The following ICAM3 variants were observed in gnomAD, a reference collection of about 807,000 sequenced individuals.
ICAM3 encodes intercellular adhesion molecule 3.
ICAM3 carries 54 observed loss-of-function variants against 43.6 expected under a neutral mutation model. The observed-to-expected ratio is 1.24, with a 90% CI of 0.99 to 1.55. ICAM3 has a LOEUF of 1.55. Ranked by LOEUF, ICAM3 falls within the 40% of genes most tolerant of loss-of-function variation. The pLI, the probability that ICAM3 is intolerant of heterozygous loss-of-function variation, is 0.00. For synonymous variants in ICAM3, 306 were observed against 312.6 expected (o/e 0.98, Z 0.22); for missense variants, 715 against 717.9 (o/e 1.00, Z 0.05).
chr19:10,334,106 A>AACCC lies in ICAM3; in HGVS notation c.1442-48_1442-47insGGGT. On this transcript the variant is annotated intron_variant, in intron 6 of 6. Coordinates refer to ENST00000160262, the MANE Select transcript of ICAM3 (RefSeq NM_002162.5). This position sits in a 1 kb window ranked among gnomAD's most constrained non-coding sequence, Gnocchi z 5.5. The stretch of plus-strand genomic sequence containing the variant: ...TCAATATGCGTCCCTTCTGTCTCCA[A>AACCC]CCCCCCCGCCCCCCGGCTTACCGGT... 4.4e-6 allele frequency: 7 copies of AACCC among 1,578,968 alleles called. No homozygotes were observed. The highest frequency in any genetic ancestry group is 1.1e-5 in the South Asian group (1 of 90,210).
rs1244564587 is a variant in ICAM3 at position 10,334,205 on chromosome 19, T to C, written c.1396A>G (p.Ser466Gly). 1 of 1,613,972 alleles carries C rather than the reference T, an allele frequency of 6.2e-7. No homozygotes were observed. Among genetic ancestry groups the C allele is most frequent in the African/African-American group, 1.3e-5 (1 of 74,884 alleles). The change falls in exon 6 of 7, where the codon AGC becomes GGC. Residue 466 changes from serine (S) to glycine (G), a missense_variant. Coordinates refer to ENST00000160262, the MANE Select transcript of ICAM3 (RefSeq NM_002162.5). This position sits in a 1 kb window ranked among gnomAD's most constrained non-coding sequence, Gnocchi z 5.5. Reference protein sequence around the residue: ...HNGTYQCQASSSRGKYTLVVV... With the variant: ...HNGTYQCQASGSRGKYTLVVV... Reference sequence around the variant, plus strand: ...ACCAGGGTGTATTTGCCTCGTGAGCTGGACGCTTGGCACTGATAAGTACCA... The same window carrying C: ...ACCAGGGTGTATTTGCCTCGTGAGCCGGACGCTTGGCACTGATAAGTACCA...
rs1430799545 is a variant in ICAM3 at position 10,335,135 on chromosome 19, G to A, written c.868C>T (p.Arg290Trp). 6.2e-7 allele frequency: 1 copy of A among 1,613,702 alleles called. No homozygotes were observed. The highest frequency in any genetic ancestry group is 8.5e-7 in the Non-Finnish European group (1 of 1,179,964). ...AGGGTCACGTTGCAGACGATCTCCC[G>A]GGCACCCTCCTGATCCGCGCGCGCC... Reference protein sequence around the residue: ...ATARADQEGAREIVCNVTLGG... With the variant: ...ATARADQEGAWEIVCNVTLGG... The change falls in exon 4 of 7, where the codon CGG becomes TGG. Residue 290 changes from arginine to tryptophan, a missense_variant. By Grantham distance (101) the Arg-to-Trp change is moderately radical. Coordinates refer to ENST00000160262, the MANE Select transcript of ICAM3 (RefSeq NM_002162.5).
chr19:10,334,821 ACCTT>A lies in ICAM3; in HGVS notation c.938-43_938-40del. The A allele has an allele frequency of 1.3e-6, 2 of 1,535,404 alleles. No homozygotes were observed. The highest frequency in any genetic ancestry group is 2.5e-5 in the South Asian group (2 of 79,390). On this transcript the variant is annotated intron_variant, in intron 4 of 6. Transcript: ENST00000160262. The surrounding 1 kb of genome is among the most constrained non-coding windows in gnomAD (Gnocchi z 5.5). ...ATTGCCCAGGAGCTTAATGAACAGG[ACCTT>A]CCTGTGGGTCAAGCCGCTCCCTCCG...
At chr19:10,339,406 T>A (rs1174881012) in intron 1 of ICAM3, 133 bp downstream of exon 1, 15 of 758,200 alleles carry the variant, frequency 2.0e-5, no homozygotes, top group Non-Finnish European at 3.3e-5. Context: ...CAGAACTTTC[T>A]CCCGAGGATA....
chr19:10,335,042 C>A, intron 4 of ICAM3, 24 bp downstream of exon 4: 1 of 1,603,446 alleles, frequency 6.2e-7, no homozygotes, highest in Admixed American at 1.7e-5. Flanking sequence ...TGAGGCCGCG[C>A]CCCCTTCCCA....
At position 10,335,892 on chromosome 19, in the gene ICAM3, T is replaced by C. The variant is rs2304237; in HGVS notation, c.428A>G (p.Asp143Gly). ...QNFTLRCQVE[D>G]GSPRTSLTVV... is the part of the protein sequence containing the mutation. ...CGTGAGGCTGGTCCGGGGCGACCCA[T>C]CCTCCACTTGGCAGCGCAGGGTGAA... The change falls in exon 3 of 7, where the codon GAT becomes GGT. Residue 143 changes from aspartate to glycine, a missense_variant. Transcript: ENST00000160262. 0.22 allele frequency: 351,358 copies of C among 1,600,568 alleles called. 39,521 individuals carry two copies. Among genetic ancestry groups the C allele is most frequent in the South Asian group, 0.27 (24,648 of 90,034 alleles).
chr19:10,336,884 C>A (rs887071983), intron 2 of ICAM3, among the ~76,000 whole-genome samples: 41 of 148,770 alleles, frequency 2.8e-4, no homozygotes, highest in African/African-American at 8.9e-4. Flanking sequence ...CCGAGGGAGG[C>A]GGATCACTTG....
chr19:10,337,689 T>C (rs1287462432), intron 2 of ICAM3, among the ~76,000 whole-genome samples: 2 of 152,142 alleles, frequency 1.3e-5, no homozygotes, highest in Non-Finnish European at 2.9e-5. Flanking sequence ...AGTGGTGCAA[T>C]TATAGCTCAC....
chr19:10,334,849 C>T lies in ICAM3; in HGVS notation c.938-67G>A, dbSNP rs1273484253. The T allele has an allele frequency of 1.3e-6, 2 of 1,510,130 alleles. No individual in the cohort carries two copies. The highest frequency in any genetic ancestry group is 1.4e-5 in the African/African-American group (1 of 71,644). The allele number at this position is 1,510,130 out of a possible 1,614,324, so 93.5% of individuals were successfully genotyped here. A position where few individuals can be genotyped will look rare whatever the true frequency, so the allele number is the denominator to read the frequency against. On this transcript the variant is annotated intron_variant, in intron 4 of 6. Transcript: ENST00000160262. This position sits in a 1 kb window ranked among gnomAD's most constrained non-coding sequence, Gnocchi z 5.5. ...TTCCTGTGGGTCAAGCCGCTCCCTC[C>T]GCCCTCCCCTTTCCTCTCGGGATAT... is the stretch of plus-strand genomic sequence containing the variant.
At position 10,335,912 on chromosome 19, in the gene ICAM3, G is replaced by T; in HGVS notation, c.408C>A (p.Thr136=). The T allele has an allele frequency of 1.3e-6, 2 of 1,593,298 alleles. No homozygotes were observed. Among genetic ancestry groups the T allele is most frequent in the Non-Finnish European group, 1.7e-6 (2 of 1,174,252 alleles). ...ACCCATCCTCCACTTGGCAGCGCAG[G>T]GTGAAGTTCTGGCCCACCGGCTGCC... ...PPWQPVGQNF[T]LRCQVEDGSP... is the part of the protein sequence containing the mutation. Residue 136 remains threonine (T), a synonymous_variant, in exon 3 of 7, where the codon ACC becomes ACA. Coordinates refer to ENST00000160262, the MANE Select transcript of ICAM3 (RefSeq NM_002162.5).
chr19:10,338,386 A>G (rs1463460500), intron 2 of ICAM3, among the ~76,000 whole-genome samples: 1 of 151,060 alleles, frequency 6.6e-6, no homozygotes, highest in East Asian at 1.9e-4. Flanking sequence ...CTAGGCAAAA[A>G]GAGCGAAACT....
chr19:10,337,976 C>T (rs952926820), intron 2 of ICAM3, among the ~76,000 whole-genome samples: 4 of 150,650 alleles, frequency 2.7e-5, no homozygotes, highest in Middle Eastern at 3.2e-3. Context: ...CGGAACACCC[C>T]GTCTCTACTA....
chr19:10,338,905 G>C lies in ICAM3; in HGVS notation c.120C>G (p.Asn40Lys), dbSNP rs1278156295. The C allele has an allele frequency of 6.2e-7, 1 of 1,614,062 alleles. No homozygotes were observed. Among genetic ancestry groups the C allele is most frequent in the South Asian group, 1.1e-5 (1 of 91,088 alleles). The change falls in exon 2 of 7, where the codon AAC (asparagine) becomes AAG (lysine). Residue 40 changes from asparagine (N) to lysine (K), a missense_variant. Asn to Lys is a moderately conservative substitution (Grantham distance 94, BLOSUM62 0). Transcript: ENST00000160262. ...QEFLLRVEPQ[N>K]PVLSAGGSLF... is the part of the protein sequence containing the mutation. ...GGGACCCTCCAGCAGAGAGCACAGG[G>C]TTCTGGGGCTCCACCCGCAAAAGGA...
Position 10,335,659 on chromosome 19 carries a change from C to A in ICAM3, c.649+12G>T, listed in dbSNP as rs1421837980. On this transcript the variant is annotated intron_variant, in intron 3 of 6. Transcript: ENST00000160262. ...CAGCTCGTCACCCACCGTCTGAAGCCCCTTCTCTCACCAAAGGTTCGGAGC... is the reference window on the plus strand; with the variant it reads ...CAGCTCGTCACCCACCGTCTGAAGCACCTTCTCTCACCAAAGGTTCGGAGC... The A allele has an allele frequency of 1.3e-6, 2 of 1,591,374 alleles. No homozygotes were observed. Among genetic ancestry groups the A allele is most frequent in the Admixed American group, 1.8e-5 (1 of 56,852 alleles).
chr19:10,339,490 TCCC>T, intron 1 of ICAM3, 46 bp downstream of exon 1: 3 of 1,512,746 alleles, frequency 2.0e-6, no homozygotes, highest in Non-Finnish European at 2.8e-6. Context: ...CCTCTACTGA[TCCC>T]CAAAACGCAG....
At position 10,335,084 on chromosome 19, in the gene ICAM3, C is replaced by G; in HGVS notation, c.919G>C (p.Glu307Gln). 1 of 1,613,198 alleles carries G rather than the reference C, an allele frequency of 6.2e-7. No homozygotes were observed. Among genetic ancestry groups the G allele is most frequent in the Non-Finnish European group, 8.5e-7 (1 of 1,179,610 alleles). The change falls in exon 4 of 7, where the codon GAG becomes CAG. Residue 307 changes from glutamate (E) to glutamine (Q), a missense_variant. Coordinates refer to ENST00000160262, the MANE Select transcript of ICAM3 (RefSeq NM_002162.5). ...CTCTTACTAAAGACCGTCAAGTTCT[C>G]CCGGGCCTCCCGTCTCTCGCCCCCT... ...TLGGERREARENLTVFSFLGP... is the reference protein window; with the variant it reads ...TLGGERREARQNLTVFSFLGP...
Position 10,334,285 on chromosome 19 carries a change from C to A in ICAM3, c.1316G>T (p.Gly439Val). The A allele has an allele frequency of 1.2e-6, 2 of 1,614,216 alleles. No homozygotes were observed. Among genetic ancestry groups the A allele is most frequent in the Non-Finnish European group, 1.7e-6 (2 of 1,180,036 alleles). ...PYPELRCLKE[G>V]SSREVPVGIP... is the part of the protein sequence containing the mutation. ...CCCCACCGGCACCTCCCGGCTGGAGCCTTCCTTCAAACACCGCAGCTCGGG... is the reference window on the plus strand; with the variant it reads ...CCCCACCGGCACCTCCCGGCTGGAGACTTCCTTCAAACACCGCAGCTCGGG... The change falls in exon 6 of 7, where the codon GGC (glycine) becomes GTC (valine). Residue 439 changes from glycine to valine, a missense_variant. Physicochemically the swap from Gly to Val is moderately radical, Grantham distance 109. Coordinates refer to ENST00000160262, the MANE Select transcript of ICAM3 (RefSeq NM_002162.5). The surrounding 1 kb of genome is among the most constrained non-coding windows in gnomAD (Gnocchi z 5.5).
At chr19:10,336,047 G>A in intron 2 of ICAM3, 71 bp from the exon 3 acceptor site, 1 of 1,398,094 alleles carries the variant, frequency 7.2e-7, no homozygotes, top group Non-Finnish European at 9.5e-7. Context: ...GGACTGGGGA[G>A]GAGACAGGGT....
In ICAM3 at chr19:10,333,932, C is replaced by T. The variant is rs775697879; in HGVS notation, c.1569G>A (p.Glu523=). The change falls in exon 7 of 7, where the codon GAG becomes GAA. Residue 523 remains glutamate (E), a synonymous_variant. Coordinates refer to ENST00000160262, the MANE Select transcript of ICAM3 (RefSeq NM_002162.5). The surrounding 1 kb of genome is among the most constrained non-coding windows in gnomAD (Gnocchi z 4.2). ...HQRSGSYHVR[E]ESTYLPLTSM... The stretch of plus-strand genomic sequence containing the variant: ...ACGTGAGGGGCAGATAGGTGCTCTC[C>T]TCCCTAACATGGTAACTGCCGCTCC... 2 of 1,614,188 alleles carry T rather than the reference C, an allele frequency of 1.2e-6. No homozygotes were observed. The highest frequency in any genetic ancestry group is 4.5e-5 in the East Asian group (2 of 44,892).
Sources: allele counts gnomAD v4.1 joint callset (sites outside exome capture counted in the v4.1 genomes callset), GRCh38; gene constraint gnomAD v4.1.1; non-coding constraint Gnocchi (gnomAD v3.1); transcripts MANE v1.5; gene names NCBI Gene and HGNC (gene_info 2026-07-23, HGNC 2026-07-21).